The following ATP8B4 variants were observed in gnomAD, a reference collection of about 807,000 sequenced individuals.
The protein encoded by ATP8B4 is probable phospholipid-transporting ATPase IM.
Under a neutral mutation model 145.6 loss-of-function variants are expected in ATP8B4, and 133 were observed. The observed-to-expected ratio is 0.91, with a 90% confidence interval of 0.79 to 1.05. The LOEUF (loss-of-function observed/expected upper bound fraction) is 1.05. Among genes scored for constraint, ATP8B4 ranks in the 50% least tolerant of loss-of-function variants. The pLI is 0.00. For missense variants in ATP8B4, 1,458 were observed against 1,425.2 expected (o/e 1.02, Z -0.37); for synonymous variants, 507 against 492.9 (o/e 1.03, Z -0.38).
intron 20 of ATP8B4, among the ~76,000 whole-genome samples, chr15:49,904,925 G>A (rs1157386379): frequency 6.6e-6 from 1 of 152,182 alleles, no homozygotes; most frequent in African/African-American, 2.4e-5. Context: ...CAAAACACGT[G>A]ATCAATGCTA....
At chr15:49,902,681 G>T (rs28437808) in intron 20 of ATP8B4, among the ~76,000 whole-genome samples, 12,461 of 152,222 alleles carry the variant, frequency 0.082, 552 homozygotes, top group African/African-American at 0.097. Context: ...AATCATTGTT[G>T]TAAGTGAGAG....
intron 9 of ATP8B4, among the ~76,000 whole-genome samples, chr15:49,990,985 C>G (rs780943649): frequency 2.0e-5 from 3 of 152,104 alleles, no homozygotes; most frequent in Non-Finnish European, 4.4e-5. Flanking sequence ...CTTCTTTACT[C>G]TTCAACTGTC....
intron 23 of ATP8B4, chr15:49,895,585 G>A (rs2037313572): frequency 6.6e-6 from 1 of 152,226 alleles, no homozygotes; most frequent in Admixed American, 6.5e-5. Context: ...TCACAGACAG[G>A]TGGTGTGCCT....
chr15:50,171,999 C>G (rs777881583), intron 1 of ATP8B4, among the ~76,000 whole-genome samples: 7 of 152,118 alleles, frequency 4.6e-5, no homozygotes, highest in Non-Finnish European at 8.8e-5. Flanking sequence ...AAATACAACC[C>G]TCCTAGCTTA....
intron 3 of ATP8B4, among the ~76,000 whole-genome samples, chr15:50,067,923 T>C (rs1452072964): frequency 1.3e-5 from 2 of 152,146 alleles, no homozygotes; most frequent in Non-Finnish European, 2.9e-5. Context: ...AGCAGGTATG[T>C]TGTGAATATT....
At chr15:49,907,484 T>C (rs539690834) in intron 20 of ATP8B4, among the ~76,000 whole-genome samples, 1 of 152,230 alleles carries the variant, frequency 6.6e-6, no homozygotes, top group East Asian at 1.9e-4. Context: ...ATTGGGGAAA[T>C]AGTTACAAAA....
At chr15:50,005,484 T>G (rs1292846941) in intron 7 of ATP8B4, among the ~76,000 whole-genome samples, 2 of 152,204 alleles carry the variant, frequency 1.3e-5, no homozygotes, top group East Asian at 1.9e-4. Context: ...GTGAGTAGTA[T>G]TATTCCCATT....
At chr15:50,049,813 A>AT (rs905677359) in intron 3 of ATP8B4, among the ~76,000 whole-genome samples, 9 of 150,754 alleles carry the variant, frequency 6.0e-5, no homozygotes, top group East Asian at 3.9e-4. Context: ...AACATCTGTT[A>AT]TTTTTTTTTC....
chr15:50,173,024 A>AGGTGGGGGGCAGCCCCCG (rs1567418758), intron 1 of ATP8B4, among the ~76,000 whole-genome samples: 24 of 136,838 alleles, frequency 1.8e-4, no homozygotes, highest in Admixed American at 7.8e-4. Context: ...GGCAGCCCCC[A>AGGTGGGGGGCAGCCCCCG]TCCGGGAGGT....
chr15:50,157,821 G>A (rs2044444011), intron 1 of ATP8B4, among the ~76,000 whole-genome samples: 2 of 152,146 alleles, frequency 1.3e-5, no homozygotes, highest in African/African-American at 4.8e-5. Context: ...GCTGGACTGT[G>A]CTGCTGCCAT....
chr15:49,938,220 C>A (rs1362486696), intron 14 of ATP8B4, among the ~76,000 whole-genome samples: 21 of 152,190 alleles, frequency 1.4e-4, no homozygotes, highest in African/African-American at 4.8e-4. Context: ...GTAGAACTAC[C>A]ACACAATAGA....
intron 5 of ATP8B4, among the ~76,000 whole-genome samples, chr15:50,039,593 A>C (rs1374966359): frequency 6.6e-6 from 1 of 152,240 alleles, no homozygotes; most frequent in African/African-American, 2.4e-5. Context: ...AGAAAATGGT[A>C]ATACCATTAG....
intron 1 of ATP8B4, among the ~76,000 whole-genome samples, chr15:50,162,616 C>T (rs2044537875): frequency 6.6e-6 from 1 of 152,136 alleles, no homozygotes; most frequent in South Asian, 2.1e-4. Flanking sequence ...ACGCCATTCT[C>T]CTGCCTCAGC....
chr15:50,023,779 CAAAAAAA>C (rs60030651), intron 6 of ATP8B4, among the ~76,000 whole-genome samples: 7 of 75,056 alleles, frequency 9.3e-5, no homozygotes, highest in Admixed American at 1.5e-4. Context: ...AGACCAAAGG[CAAAAAAA>C]AAAAAAAAAA....
intron 14 of ATP8B4, among the ~76,000 whole-genome samples, chr15:49,935,599 G>C (rs1381798461): frequency 2.6e-5 from 4 of 151,948 alleles, no homozygotes; most frequent in Non-Finnish European, 5.9e-5. Flanking sequence ...ATCTAGTAAA[G>C]CAAGAGACTC....
chr15:50,014,284 CA>C (rs905612737), intron 6 of ATP8B4, among the ~76,000 whole-genome samples: 1 of 152,164 alleles, frequency 6.6e-6, no homozygotes, highest in Non-Finnish European at 1.5e-5. Context: ...AAGTACATGT[CA>C]GCCTTATAAC....
intron 12 of ATP8B4, among the ~76,000 whole-genome samples, chr15:49,978,013 T>C (rs762200195): frequency 6.6e-6 from 1 of 152,122 alleles, no homozygotes; most frequent in Non-Finnish European, 1.5e-5. Context: ...AATTGTACCA[T>C]GGCACATTAG....
At chr15:49,916,522 C>A (rs1324678321) in intron 20 of ATP8B4, among the ~76,000 whole-genome samples, 1 of 152,094 alleles carries the variant, frequency 6.6e-6, no homozygotes, top group Admixed American at 6.6e-5. Context: ...AATACAAAGT[C>A]CCATATCCCA....
chr15:50,024,159 C>A (rs960635437), intron 6 of ATP8B4, among the ~76,000 whole-genome samples: 1 of 152,160 alleles, frequency 6.6e-6, no homozygotes, highest in Non-Finnish European at 1.5e-5. Context: ...ATAAAGCAAG[C>A]ATTTGCAGAG....
Sources: gnomAD v4.1 joint callset for allele counts (sites outside exome capture counted in the v4.1 genomes callset) on GRCh38, gnomAD v4.1.1 for gene constraint, MANE v1.5 for transcripts, NCBI Gene and HGNC (gene_info 2026-07-23, HGNC 2026-07-21) for gene names.